Variants in FOXN3 observed in about 807,000 individuals in gnomAD.
FOXN3 encodes the protein forkhead box protein N3.
A neutral mutation model predicts 38.4 loss-of-function variants in FOXN3; 7 were observed. The observed-to-expected ratio is 0.18, with a 90% CI of 0.10 to 0.34. FOXN3 has a LOEUF of 0.34. Ranked by LOEUF, FOXN3 falls within the 10% of genes least tolerant of loss-of-function variation. The pLI is 1.00. For synonymous variants in FOXN3, 230 were observed against 242.2 expected, an observed-to-expected ratio of 0.95 and a Z score of 0.47; for missense variants, 456 against 613.4, an observed-to-expected ratio of 0.74 and a Z score of 2.71.
At chr14:89,498,530 G>C (rs1893734289) in intron 1 of FOXN3, among the ~76,000 whole-genome samples, 3 of 152,032 alleles carry the variant, frequency 2.0e-5, no homozygotes. Context: ...CCTCTGTCTG[G>C]CTGCTTCTTA....
chr14:89,179,416 G>A (rs1887606599), intron 5 of FOXN3, among the ~76,000 whole-genome samples: 1 of 152,154 alleles, frequency 6.6e-6, no homozygotes, highest in Admixed American at 6.5e-5. Flanking sequence ...TTCTGGGTTG[G>A]TTTCCTTTTG....
At chr14:89,277,315 A>G (rs1284459210) in intron 4 of FOXN3, among the ~76,000 whole-genome samples, 1 of 152,154 alleles carries the variant, frequency 6.6e-6, no homozygotes, top group Admixed American at 6.5e-5. Flanking sequence ...GGCTCTGAAT[A>G]AGCCACTCTT....
intron 4 of FOXN3, among the ~76,000 whole-genome samples, chr14:89,272,785 A>G (rs1052308598): frequency 6.6e-6 from 1 of 152,206 alleles, no homozygotes; most frequent in Admixed American, 6.5e-5. Context: ...TCTGGGAAGC[A>G]TAAGTTGCAG....
At chr14:89,612,803 A>T (rs1156709403) in intron 1 of FOXN3, among the ~76,000 whole-genome samples, 1 of 151,174 alleles carries the variant, frequency 6.6e-6, no homozygotes, top group East Asian at 1.9e-4. Flanking sequence ...TGGGTGACAG[A>T]GTGACAGAGT....
In FOXN3 at chr14:89,163,970, T is replaced by C. The variant is rs1320377833; in HGVS notation, c.852-1001A>G. On this transcript the variant is annotated intron_variant, in intron 5 of 5. Coordinates refer to ENST00000557258, the MANE Select transcript of FOXN3 (RefSeq NM_005197.4). The surrounding 1 kb of genome is among the most constrained non-coding windows in gnomAD (Gnocchi z 4.3). Reference sequence around the variant, plus strand: ...GTAGCACTCATCACACCTCTGATTATTTCTTTGTGTCTTTACATCTGAGCG... The same window carrying C: ...GTAGCACTCATCACACCTCTGATTACTTCTTTGTGTCTTTACATCTGAGCG... 6.6e-6 allele frequency among the ~76,000 whole-genome samples: 1 copy of C among 152,248 alleles called. No homozygotes were observed. The highest frequency in any genetic ancestry group is 6.5e-5 in the Admixed American group (1 of 15,288).
chr14:89,415,035 C>G (rs1200093699), intron 1 of FOXN3, among the ~76,000 whole-genome samples: 1 of 152,228 alleles, frequency 6.6e-6, no homozygotes, highest in Non-Finnish European at 1.5e-5. Context: ...ACAACAGAGT[C>G]TGGTCTGATC....
rs1566947664 is a variant in FOXN3 at position 89,288,716 on chromosome 14, CTCTCTCTCTATATATATATATATATATA to C, written c.681-7730_681-7703del. 4.3e-3 allele frequency among the ~76,000 whole-genome samples: 223 copies of C among 51,686 alleles called. 1 individual carries two copies. Among genetic ancestry groups the C allele is most frequent in the Non-Finnish European group, 4.9e-3 (141 of 28,890 alleles). The allele number at this position is 51,686 out of a possible 152,430, so 33.9% of individuals were successfully genotyped here. ...TCTCTCTCTCTCTCTCTCTCTCTCTCTCTCTCTCTATATATATATATATATATATATATATATATATATATATATATAT... is the reference window on the plus strand; with the variant it reads ...TCTCTCTCTCTCTCTCTCTCTCTCTCTATATATATATATATATATATATAT... On this transcript the variant is annotated intron_variant, in intron 3 of 5. Coordinates refer to ENST00000557258, the MANE Select transcript of FOXN3 (RefSeq NM_005197.4).
At chr14:89,534,056 C>T (rs371655608) in intron 1 of FOXN3, among the ~76,000 whole-genome samples, 7 of 151,950 alleles carry the variant, frequency 4.6e-5, no homozygotes, top group African/African-American at 4.8e-5. Context: ...GTGCTTCCCC[C>T]CCGCCACCCA....
At position 89,172,816 on chromosome 14, in the gene FOXN3, T is replaced by C. The variant is rs564366933; in HGVS notation, c.851+7885A>G. On this transcript the variant is annotated intron_variant, in intron 5 of 5. Coordinates refer to ENST00000557258, the MANE Select transcript of FOXN3 (RefSeq NM_005197.4). ...GTTTATTATTTGAAAAATATTTAAG[T>C]GTATCTTTATCTCACACTGTAACTC... Among the ~76,000 whole-genome samples, 6 of 152,342 alleles carry C rather than the reference T, an allele frequency of 3.9e-5. No homozygotes were observed. In the South Asian group the frequency reaches 1.0e-3, roughly 26 times the overall value.
Position 89,193,222 on chromosome 14 carries a change from C to T in FOXN3, c.746-12416G>A, listed in dbSNP as rs139270867. Among the ~76,000 whole-genome samples the T allele has an allele frequency of 3.4e-3, 523 of 151,696 alleles. 6 individuals carry two copies. The highest frequency in any genetic ancestry group is 0.012 in the African/African-American group (505 of 41,310). ...CGTACCCAAAGTTTTTCTCGGTGGC[C>T]AGGAGGTTTGCTGGGCCCAGAACAA... On this transcript the variant is annotated intron_variant, in intron 4 of 5. Transcript: ENST00000557258.
At chr14:89,327,385 A>T (rs1470325196) in intron 3 of FOXN3, among the ~76,000 whole-genome samples, 1 of 152,208 alleles carries the variant, frequency 6.6e-6, no homozygotes, top group Non-Finnish European at 1.5e-5. Flanking sequence ...AATGCTGAGG[A>T]TGGTGCTTAC....
At chr14:89,268,728 C>CGG (rs1426023292) in intron 4 of FOXN3, among the ~76,000 whole-genome samples, 1 of 152,112 alleles carries the variant, frequency 6.6e-6, no homozygotes, top group Non-Finnish European at 1.5e-5. Context: ...GACTGGGCCA[C>CGG]GTGCCTATCC....
intron 4 of FOXN3, among the ~76,000 whole-genome samples, chr14:89,220,649 G>A (rs1409934419): frequency 6.6e-6 from 1 of 152,158 alleles, no homozygotes; most frequent in Admixed American, 6.5e-5. Flanking sequence ...CTGTGGTAAA[G>A]ATGTCTGATC....
chr14:89,410,249 T>G (rs1891507936), intron 2 of FOXN3, among the ~76,000 whole-genome samples: 1 of 152,090 alleles, frequency 6.6e-6, no homozygotes, highest in African/African-American at 2.4e-5. Flanking sequence ...GGCTCAAGAT[T>G]CTACTTGAAA....
intron 3 of FOXN3, among the ~76,000 whole-genome samples, chr14:89,345,835 C>A (rs1484685907): frequency 6.6e-6 from 1 of 152,206 alleles, no homozygotes; most frequent in African/African-American, 2.4e-5. Flanking sequence ...TGGTGGATCA[C>A]AAGGTCAGGA....
chr14:89,316,452 C>T (rs1887720881), intron 3 of FOXN3, among the ~76,000 whole-genome samples: 2 of 151,778 alleles, frequency 1.3e-5, no homozygotes, highest in African/African-American at 2.4e-5. Flanking sequence ...ACCTCCCAGG[C>T]TCAAGCAATC....
chr14:89,505,923 C>G (rs866191912), intron 1 of FOXN3, among the ~76,000 whole-genome samples: 1 of 149,480 alleles, frequency 6.7e-6, no homozygotes, highest in African/African-American at 2.5e-5. Flanking sequence ...TCTGCCCGGC[C>G]GCCCCGTCTG....
intron 1 of FOXN3, among the ~76,000 whole-genome samples, chr14:89,597,947 A>G (rs973657027): frequency 2.6e-5 from 4 of 151,954 alleles, no homozygotes; most frequent in Non-Finnish European, 5.9e-5. Flanking sequence ...CTATTATTCT[A>G]CTATTTTTTA....
intron 1 of FOXN3, among the ~76,000 whole-genome samples, chr14:89,560,023 T>G (rs1281653439): frequency 6.6e-6 from 1 of 152,196 alleles, no homozygotes; most frequent in East Asian, 1.9e-4. Flanking sequence ...GAGGTTTAAC[T>G]GACTCAGTTT....
Sources: gnomAD v4.1 joint callset for allele counts (sites outside exome capture counted in the v4.1 genomes callset) on GRCh38, gnomAD v4.1.1 for gene constraint, Gnocchi (gnomAD v3.1) non-coding constraint, MANE v1.5 for transcripts, NCBI Gene and HGNC (gene_info 2026-07-23, HGNC 2026-07-21) for gene names.